Variants in PSMA1 observed in about 807,000 individuals in gnomAD.
PSMA1 encodes proteasome subunit alpha type-1.
PSMA1 carries 3 observed loss-of-function variants against 38.4 expected under a neutral mutation model. That is an observed-to-expected ratio of 0.08 (90% confidence interval 0.04 to 0.20). The LOEUF is 0.20. PSMA1 is among the 10% of genes least tolerant of loss of function. The pLI is 1.00. For synonymous variants in PSMA1, 101 were observed against 107.1 expected (o/e 0.94, Z 0.35); for missense variants, 227 against 325.3 (o/e 0.70, Z 2.32).
chr11:14,572,691 ACAAAAAACCCTT>A (rs1332139994), intron 2 of PSMA1, among the ~76,000 whole-genome samples: 1 of 152,234 alleles, frequency 6.6e-6, no homozygotes, highest in African/African-American at 2.4e-5. Flanking sequence ...AGATAGAGAC[ACAAAAAACCCTT>A]CAAAAAATCA....
intron 2 of PSMA1, among the ~76,000 whole-genome samples, chr11:14,592,919 T>C (rs898788583): frequency 1.3e-5 from 2 of 152,234 alleles, no homozygotes; most frequent in Non-Finnish European, 2.9e-5. Flanking sequence ...CTTTATAATA[T>C]CATTATGTTT....
At chr11:14,586,335 G>A (rs896514465) in intron 2 of PSMA1, among the ~76,000 whole-genome samples, 6 of 152,014 alleles carry the variant, frequency 3.9e-5, no homozygotes, top group African/African-American at 1.4e-4. Context: ...GGGAGGCTAA[G>A]GCAGGAGAAT....
chr11:14,589,863 C>T (rs1159551851), intron 2 of PSMA1, among the ~76,000 whole-genome samples: 6 of 152,032 alleles, frequency 3.9e-5, no homozygotes, highest in Admixed American at 2.0e-4. Context: ...GCTGTACACT[C>T]GATTAGGAGG....
At chr11:14,630,477 G>A (rs1852988291) in intron 1 of PSMA1, among the ~76,000 whole-genome samples, 2 of 152,088 alleles carry the variant, frequency 1.3e-5, no homozygotes, top group African/African-American at 2.4e-5. Flanking sequence ...TTATTGATTT[G>A]CGTATATTGA....
intron 2 of PSMA1, among the ~76,000 whole-genome samples, chr11:14,545,309 AAATTT>A (rs1382727366): frequency 6.6e-5 from 10 of 152,198 alleles, no homozygotes; most frequent in African/African-American, 1.4e-4. Context: ...TTTATTTTTA[AAATTT>A]AATTTAATTT....
At chr11:14,640,609 G>C (rs998891078) in intron 1 of PSMA1, among the ~76,000 whole-genome samples, 3 of 152,126 alleles carry the variant, frequency 2.0e-5, no homozygotes, top group African/African-American at 7.2e-5. Flanking sequence ...CTCAGATTCT[G>C]AGATGAGTAT....
chr11:14,564,871 A>G (rs533663331), intron 2 of PSMA1, among the ~76,000 whole-genome samples: 146 of 151,138 alleles, frequency 9.7e-4, no homozygotes, highest in African/African-American at 3.5e-3. Flanking sequence ...TCAACCTCCT[A>G]GGCTCAGGCC....
At chr11:14,642,347 C>CTTTCAA (rs113653247) in intron 1 of PSMA1, among the ~76,000 whole-genome samples, 23,420 of 151,672 alleles carry the variant, frequency 0.15, 2,674 homozygotes, top group African/African-American at 0.33. Flanking sequence ...CATTTTTTTT[C>CTTTCAA]TTGTCATGGG....
chr11:14,627,382 C>G (rs943799541), intron 1 of PSMA1, among the ~76,000 whole-genome samples: 3 of 152,124 alleles, frequency 2.0e-5, no homozygotes, highest in Non-Finnish European at 2.9e-5. Flanking sequence ...AGTCCCATCT[C>G]GGGTTTAATG....
At chr11:14,514,101 C>A (rs911296231) in intron 5 of PSMA1, 18 of 1,316,332 alleles carry the variant, frequency 1.4e-5, no homozygotes, top group Non-Finnish European at 1.7e-5. Context: ...TAATTTCTTC[C>A]CATCTAAAAC....
At chr11:14,591,545 T>C (rs2134188441) in intron 2 of PSMA1, among the ~76,000 whole-genome samples, 1 of 152,284 alleles carries the variant, frequency 6.6e-6, no homozygotes, top group East Asian at 1.9e-4. Context: ...GGCGGGGCCT[T>C]GGAGAGTCTT....
At chr11:14,514,010 T>G (rs1851387837) in intron 5 of PSMA1, 123 bp from the exon 6 acceptor site, 3 of 1,359,714 alleles carry the variant, frequency 2.2e-6, no homozygotes, top group Non-Finnish European at 2.8e-6. Flanking sequence ...ACCAGAGAAA[T>G]AATGCAATAG....
In PSMA1 at chr11:14,578,224, T is replaced by TA. The variant is rs900641367; in HGVS notation, c.21+32741dup. ...TGTACCCCAGAGCTTAAAGTATAAT[T>TA]AAAAAAAAATAGTCTCCCAATCTGG... On this transcript the variant is annotated intron_variant, in intron 2 of 10. Coordinates refer to the PSMA1 transcript ENST00000418988. Among the ~76,000 whole-genome samples, 27 of 151,350 alleles carry TA rather than the reference T, an allele frequency of 1.8e-4. No homozygotes were observed. The South Asian group carries it at 5.0e-3, about 28-fold the overall frequency.
At chr11:14,516,209 CA>C (rs35003395) in intron 4 of PSMA1, among the ~76,000 whole-genome samples, 95,789 of 143,410 alleles carry the variant, frequency 0.67, 31,365 homozygotes, top group African/African-American at 0.71. Flanking sequence ...GACTCCGTCT[CA>C]AAAAAAAAAA....
chr11:14,620,455 AAG>A (rs1020201510), intron 1 of PSMA1, among the ~76,000 whole-genome samples: 1 of 152,178 alleles, frequency 6.6e-6, no homozygotes, highest in African/African-American at 2.4e-5. Flanking sequence ...CCCTCAGCAA[AAG>A]AGAGTTTCCA....
At chr11:14,520,389 G>A, upstream of PSMA1, 16 of 1,613,870 alleles carry the variant, frequency 9.9e-6, no homozygotes, top group Non-Finnish European at 1.4e-5. Flanking sequence ...CTACAGAGAA[G>A]TCTGCGGGAG....
rs896664876 is a variant in PSMA1 at position 14,504,935 on chromosome 11, G to A, written c.*257C>T. ...TCTTTAAAACCACAAAGACACCTAT[G>A]TTCTTCATATAAAAACATTAGTATA... is the stretch of plus-strand genomic sequence containing the variant. On this transcript the variant is annotated 3_prime_UTR_variant, in exon 10 of 10. Transcript: ENST00000396394. 5.4e-5 allele frequency: 21 copies of A among 385,844 alleles called. No individual in the cohort carries two copies. Among genetic ancestry groups the A allele is most frequent in the African/African-American group, 4.1e-4 (20 of 49,318 alleles). 23.9% of individuals were successfully genotyped at this position (385,844 alleles called of 1,614,324 possible). A position where few individuals can be genotyped will look rare whatever the true frequency, so the allele number is the denominator to read the frequency against.
intron 2 of PSMA1, among the ~76,000 whole-genome samples, chr11:14,571,326 G>A (rs1205717312): frequency 6.6e-6 from 1 of 152,176 alleles, no homozygotes; most frequent in Non-Finnish European, 1.5e-5. Flanking sequence ...GCCTCCCAAA[G>A]TGCTGGGATT....
chr11:14,520,176 T>C, intron 1 of PSMA1, 121 bp downstream of exon 1: 1 of 1,466,952 alleles, frequency 6.8e-7, no homozygotes, highest in Admixed American at 1.7e-5. Context: ...CCCGGCCGTC[T>C]GCCGAGGCTC....
Sources: gnomAD v4.1 joint callset for allele counts (sites outside exome capture counted in the v4.1 genomes callset) on GRCh38, gnomAD v4.1.1 for gene constraint, MANE v1.5 for transcripts, NCBI Gene and HGNC (gene_info 2026-07-23, HGNC 2026-07-21) for gene names.